Variants in HPD observed in about 807,000 individuals in gnomAD.
The protein encoded by HPD is 4-hydroxyphenylpyruvic acid oxidase.
HPD carries 35 observed loss-of-function variants against 56.9 expected under a neutral mutation model. The observed-to-expected ratio is 0.62, with a 90% CI of 0.47 to 0.82. The LOEUF (loss-of-function observed/expected upper bound fraction) is 0.82. Ranked by LOEUF, HPD falls within the 40% of genes least tolerant of loss-of-function variation. The pLI, the probability that HPD is intolerant of heterozygous loss-of-function variation, is 0.00. For synonymous variants in HPD, 186 were observed against 200.2 expected (o/e 0.93, Z 0.60); for missense variants, 442 against 506.8 (o/e 0.87, Z 1.23).
the HPD span, among the ~76,000 whole-genome samples, chr12:121,875,806 A>C: frequency 2.0e-5 from 3 of 152,150 alleles, no homozygotes; most frequent in Non-Finnish European, 4.4e-5. Context: ...AACGGATACA[A>C]ACAGAAGTAA....
chr12:121,868,814 C>T, the HPD span, among the ~76,000 whole-genome samples: 2 of 152,270 alleles, frequency 1.3e-5, no homozygotes, highest in Admixed American at 1.3e-4. Flanking sequence ...AGCCACCATG[C>T]CCGGCCCCTT....
intron 6 of HPD, 190 bp downstream of exon 6, chr12:121,856,134 C>T (rs1877986205): frequency 3.0e-6 from 2 of 667,210 alleles, no homozygotes; most frequent in Non-Finnish European, 5.5e-6. Context: ...TGTGTCACAC[C>T]AGCATCTGGG....
chr12:121,861,975 A>G (rs1040208408), upstream of HPD, among the ~76,000 whole-genome samples: 1 of 151,994 alleles, frequency 6.6e-6, no homozygotes, highest in Admixed American at 6.6e-5. Flanking sequence ...GCACCACTGC[A>G]CTCCAGCCTC....
At chr12:121,851,098 G>T (rs922482322) in intron 7 of HPD, among the ~76,000 whole-genome samples, 1 of 151,874 alleles carries the variant, frequency 6.6e-6, no homozygotes, top group Non-Finnish European at 1.5e-5. Context: ...CCCAACCTCA[G>T]GTGATCCGCC....
Position 121,849,562 on chromosome 12 carries a change from C to G in HPD, c.518+125G>C. The G allele has an allele frequency of 4.2e-6, 3 of 722,026 alleles. No individual in the cohort carries two copies. In the South Asian group the frequency reaches 4.6e-5, roughly 11 times the overall value. 44.7% of individuals were successfully genotyped at this position (722,026 alleles called of 1,614,324 possible). ...CCTCTTCAAGCACCCCTGAGGACTT[C>G]CAGGAATTCCCTAGCCGGCTCCATT... On this transcript the variant is annotated intron_variant, in intron 8 of 13. Transcript: ENST00000289004.
At chr12:121,857,519 C>T in intron 3 of HPD, 87 bp from the exon 4 acceptor site, 1 of 1,063,326 alleles carries the variant, frequency 9.4e-7, no homozygotes, top group Non-Finnish European at 1.5e-6. Flanking sequence ...CCCCCCTCAG[C>T]CTGCCTGCCC....
the HPD span, among the ~76,000 whole-genome samples, chr12:121,883,475 G>T: frequency 6.6e-6 from 1 of 151,742 alleles, no homozygotes; most frequent in African/African-American, 2.4e-5. Context: ...GTGGATTTGG[G>T]AGCTATGAAG....
intron 4 of HPD, chr12:121,857,110 T>C (rs993985418): frequency 1.4e-4 from 78 of 563,510 alleles, no homozygotes; most frequent in Non-Finnish European, 3.2e-5. Flanking sequence ...GATGGAGTCT[T>C]GCTCTGTCGC....
upstream of HPD, among the ~76,000 whole-genome samples, chr12:121,866,216 G>A (rs1400078363): frequency 6.6e-6 from 1 of 151,406 alleles, no homozygotes; most frequent in Non-Finnish European, 1.5e-5. Context: ...CAGGAGAATG[G>A]TGTGAACTCG....
At chr12:121,864,728 C>T (rs1878278042), upstream of HPD, among the ~76,000 whole-genome samples, 2 of 151,918 alleles carry the variant, frequency 1.3e-5, no homozygotes, top group South Asian at 4.2e-4. Context: ...TGGCAGGCGC[C>T]TGTAGTCCCA....
At chr12:121,879,028 T>C in the HPD span, among the ~76,000 whole-genome samples, 4 of 152,120 alleles carry the variant, frequency 2.6e-5, no homozygotes, top group African/African-American at 9.7e-5. Context: ...CTTCTGACTG[T>C]AATCCCAGCA....
rs373012327 is a variant in HPD at position 121,839,990 on chromosome 12, T to C, written c.1013A>G (p.Lys338Arg). The C allele has an allele frequency of 1.9e-6, 3 of 1,613,732 alleles. No individual in the cohort carries two copies. The highest frequency in any genetic ancestry group is 1.3e-5 in the African/African-American group (1 of 74,778). Residue 338 changes from lysine (K) to arginine (R), a missense_variant, in exon 13 of 14, where the codon AAA (lysine) becomes AGA (arginine). Transcript: ENST00000289004. The part of the protein sequence containing the change: ...EKGYLLQIFT[K>R]PVQDRPTLFL... ...GAGCGTGGGCCGGTCCTGCACCGGT[T>C]TGGTGAAGATCTGCAGGAGGTAGCC...
rs750094068 is a variant in HPD, at chr12:121,856,329, C to T, written c.319G>A (p.Val107Met). Reference protein sequence around the residue: ...AFEVEDCDYIVQKARERGAKI... With the variant: ...AFEVEDCDYIMQKARERGAKI... The stretch of plus-strand genomic sequence containing the variant: ...CCACCCAGGTGCTTTCTTACCTGCA[C>T]GATGTAGTCACAATCTTCCACCTCG... Residue 107 changes from valine to methionine, a missense_variant, in exon 6 of 14, where the codon GTG (valine) becomes ATG (methionine). Val to Met is a conservative substitution (Grantham distance 21). Transcript: ENST00000289004. 15 of 1,613,472 alleles carry T rather than the reference C, an allele frequency of 9.3e-6. No individual in the cohort carries two copies. Among genetic ancestry groups the T allele is most frequent in the East Asian group, 4.5e-5 (2 of 44,896 alleles).
chr12:121,872,488 C>T, the HPD span, among the ~76,000 whole-genome samples: 1 of 151,940 alleles, frequency 6.6e-6, no homozygotes, highest in Non-Finnish European at 1.5e-5. Context: ...GCCTCAGCCT[C>T]CCAAAGCATT....
At chr12:121,857,614 A>G (rs1878052151) in intron 3 of HPD, 143 bp downstream of exon 3, 2 of 844,304 alleles carry the variant, frequency 2.4e-6, no homozygotes, top group African/African-American at 1.7e-5. Context: ...CGCTGGTGTA[A>G]TTAGGATTCA....
rs1268539362 is a variant in HPD, at chr12:121,856,366, C to T, written c.282G>A (p.Lys94=). Residue 94 remains lysine (K), a synonymous_variant, in exon 6 of 14, where the codon AAG becomes AAA. Coordinates refer to ENST00000289004, the MANE Select transcript of HPD (RefSeq NM_002150.3). Reference sequence around the variant, plus strand: ...AATCTTCCACCTCGAACGCAATGTCCTTCACTCCGTCACCGTGTTTCACCA... The same window carrying T: ...AATCTTCCACCTCGAACGCAATGTCTTTCACTCCGTCACCGTGTTTCACCA... The part of the protein sequence containing the change: ...DHLVKHGDGV[K]DIAFEVEDCD... The T allele has an allele frequency of 3.7e-6, 6 of 1,614,190 alleles. No individual in the cohort carries two copies. The highest frequency in any genetic ancestry group is 5.1e-6 in the Non-Finnish European group (6 of 1,180,022).
chr12:121,877,665 G>A, the HPD span, among the ~76,000 whole-genome samples: 1 of 152,116 alleles, frequency 6.6e-6, no homozygotes, highest in South Asian at 2.1e-4. Flanking sequence ...CTTGGGAGGT[G>A]GAGGTTGCAG....
chr12:121,846,459 C>A (rs1877585689), intron 11 of HPD, among the ~76,000 whole-genome samples: 2 of 152,156 alleles, frequency 1.3e-5, no homozygotes, highest in Admixed American at 1.3e-4. Flanking sequence ...TCAGGTGATC[C>A]CCCTGCCTTG....
upstream of HPD, among the ~76,000 whole-genome samples, chr12:121,868,555 T>A (rs1210287217): frequency 6.8e-6 from 1 of 146,800 alleles, no homozygotes; most frequent in Non-Finnish European, 1.5e-5. Flanking sequence ...AGTCTTGCTC[T>A]GTCCCCCAAG....
Sources: gnomAD v4.1 joint callset for allele counts (sites outside exome capture counted in the v4.1 genomes callset) on GRCh38, gnomAD v4.1.1 for gene constraint, MANE v1.5 for transcripts, NCBI Gene and HGNC (gene_info 2026-07-23, HGNC 2026-07-21) for gene names.